AIG1: variants seen among roughly 807,000 people sequenced by gnomAD.
The protein encoded by AIG1 is androgen-induced gene 1 protein.
In AIG1, 23 loss-of-function variants were observed where a neutral mutation model predicts 31.4. That is an observed-to-expected ratio of 0.73 (90% CI 0.53 to 1.04). AIG1 has a LOEUF of 1.04. Among genes scored for constraint, AIG1 ranks in the 50% least tolerant of loss-of-function variants. The probability of loss-of-function intolerance (pLI) is 0.00; values close to 1 mark genes in which losing one functional copy is unlikely to be tolerated. For synonymous variants in AIG1, 100 were observed against 110.5 expected (o/e 0.90, Z 0.60); for missense variants, 274 against 295.0 (o/e 0.93, Z 0.52).
At chr6:143,126,224 A>G (rs1782675722) in intron 1 of AIG1, 1 of 152,234 alleles carries the variant, frequency 6.6e-6, no homozygotes, top group African/African-American at 2.4e-5. Flanking sequence ...TGAGGGAGGT[A>G]GAGAGAGCCT....
chr6:143,197,490 A>G (rs1382490892), intron 3 of AIG1, among the ~76,000 whole-genome samples: 1 of 152,196 alleles, frequency 6.6e-6, no homozygotes, highest in Non-Finnish European at 1.5e-5. Context: ...TCTCAGGCCA[A>G]CTGCTTAGGG....
At chr6:143,172,692 G>T (rs1341496549) in intron 3 of AIG1, among the ~76,000 whole-genome samples, 2 of 152,104 alleles carry the variant, frequency 1.3e-5, no homozygotes, top group African/African-American at 4.8e-5. Flanking sequence ...AAGTCTGTCT[G>T]GCCCTGGACT....
At chr6:143,205,338 G>A (rs538403048) in intron 3 of AIG1, among the ~76,000 whole-genome samples, 3 of 152,194 alleles carry the variant, frequency 2.0e-5, no homozygotes, top group African/African-American at 7.2e-5. Context: ...AGTCTGGCAG[G>A]TATTCAAAGC....
chr6:143,338,998 A>G lies in AIG1; in HGVS notation c.680-641A>G, dbSNP rs1159183087. On this transcript the variant is annotated intron_variant, in intron 5 of 5. Coordinates refer to ENST00000357847, the MANE Select transcript of AIG1 (RefSeq NM_016108.4). The surrounding 1 kb of genome is among the most constrained non-coding windows in gnomAD (Gnocchi z 4.3). ...ACATCATCGACTATTCTCTACAGAC[A>G]ACAGGCAAAGGTTCTTACTGGTCCA... 6.6e-6 allele frequency: 1 copy of G among 152,186 alleles called. No individual in the cohort carries two copies. Among genetic ancestry groups the G allele is most frequent in the African/African-American group, 2.4e-5 (1 of 41,456 alleles). The allele number at this position is 152,186 out of a possible 1,614,324, so 9.4% of individuals were successfully genotyped here.
intron 4 of AIG1, among the ~76,000 whole-genome samples, chr6:143,307,860 C>A (rs940123975): frequency 2.0e-5 from 3 of 152,254 alleles, no homozygotes; most frequent in Non-Finnish European, 4.4e-5. Context: ...GGGCTCCACC[C>A]AGTTCAAGCT....
At chr6:143,290,449 A>G (rs1487533697) in intron 4 of AIG1, among the ~76,000 whole-genome samples, 1 of 152,194 alleles carries the variant, frequency 6.6e-6, no homozygotes, top group Non-Finnish European at 1.5e-5. Flanking sequence ...CCGCATGCGC[A>G]GTGTGTTTAC....
At chr6:143,154,890 C>T (rs1403966009) in intron 2 of AIG1, among the ~76,000 whole-genome samples, 1 of 152,118 alleles carries the variant, frequency 6.6e-6, no homozygotes, top group Non-Finnish European at 1.5e-5. Flanking sequence ...CTCTGTAGCC[C>T]AGGCTGGAGT....
chr6:143,196,428 C>T lies in AIG1; in HGVS notation c.399+31245C>T, dbSNP rs867572620. On this transcript the variant is annotated intron_variant, in intron 3 of 5. Coordinates refer to ENST00000357847, the MANE Select transcript of AIG1 (RefSeq NM_016108.4). The stretch of plus-strand genomic sequence containing the variant: ...TTGATAAGTTGGAAAACTGGCTGCA[C>T]GACTTAGAGTATATGTCTTTCTTTA... Among the ~76,000 whole-genome samples, 16 of 150,878 alleles carry T rather than the reference C, an allele frequency of 1.1e-4. 1 individual carries two copies. The highest frequency in any genetic ancestry group is 6.8e-3 in the Middle Eastern group (2 of 294).
intron 2 of AIG1, among the ~76,000 whole-genome samples, chr6:143,138,435 G>A (rs1583295166): frequency 6.6e-6 from 1 of 152,072 alleles, no homozygotes; most frequent in East Asian, 1.9e-4. Context: ...GTCTCTCTGT[G>A]TGTACATGTA....
At chr6:143,187,775 T>C in intron 3 of AIG1, 2 of 1,514,644 alleles carry the variant, frequency 1.3e-6, no homozygotes, top group Non-Finnish European at 1.8e-6. Context: ...AGAAGGACAT[T>C]TGGAAATGAC....
At chr6:143,270,322 G>A (rs1796424805) in intron 3 of AIG1, among the ~76,000 whole-genome samples, 1 of 152,186 alleles carries the variant, frequency 6.6e-6, no homozygotes, top group Non-Finnish European at 1.5e-5. Flanking sequence ...GATATGCAAT[G>A]TACAGGGAAA....
In AIG1 at chr6:143,327,467, A is replaced by G. The variant is rs1472987308; in HGVS notation, c.516-5815A>G. The G allele has an allele frequency of 2.0e-5, 8 of 402,252 alleles. No homozygotes were observed. The highest frequency in any genetic ancestry group is 1.5e-4 in the African/African-American group (7 of 47,610). The allele number at this position is 402,252 out of a possible 1,614,324, so 24.9% of individuals were successfully genotyped here. On this transcript the variant is annotated intron_variant, in intron 4 of 5. Transcript: ENST00000357847. The surrounding 1 kb of genome is among the most constrained non-coding windows in gnomAD (Gnocchi z 5.3). ...GGAGATGGGAACTCCAGATTTGCGC[A>G]TTGATACCAGGCCCAACAAAACTGT... is the stretch of plus-strand genomic sequence containing the variant.
intron 3 of AIG1, among the ~76,000 whole-genome samples, chr6:143,213,420 A>G (rs1791740726): frequency 6.6e-6 from 1 of 151,590 alleles, no homozygotes; most frequent in African/African-American, 2.4e-5. Context: ...AGTATAATAA[A>G]TGAGGGGCAG....
intron 4 of AIG1, among the ~76,000 whole-genome samples, chr6:143,321,662 G>T (rs1223972800): frequency 6.6e-6 from 1 of 152,156 alleles, no homozygotes; most frequent in Non-Finnish European, 1.5e-5. Flanking sequence ...GCTTCCTCTG[G>T]GGCAGAACAG....
intron 1 of AIG1, among the ~76,000 whole-genome samples, chr6:143,127,422 TTCTTTACATTAATTTTATAAAAGTACA>T (rs144837881): frequency 0.025 from 3,790 of 152,300 alleles, 145 homozygotes; most frequent in African/African-American, 0.078. Flanking sequence ...ATCTATGGTG[TTCTTTACATTAATTTTATAAAAGTACA>T]CCATAATCAA....
chr6:143,090,590 A>G (rs760205056), intron 1 of AIG1, among the ~76,000 whole-genome samples: 1 of 152,256 alleles, frequency 6.6e-6, no homozygotes, highest in Non-Finnish European at 1.5e-5. Context: ...CACAGTACAT[A>G]TAAAAGTTAT....
chr6:143,335,040 A>C, intron 5 of AIG1: 1 of 1,398,974 alleles, frequency 7.1e-7, no homozygotes, highest in Middle Eastern at 1.8e-4. Context: ...TTTTTTAAAA[A>C]TTCATTTTAG....
In AIG1 at chr6:143,200,743, G is replaced by A. The variant is rs76908879; in HGVS notation, c.399+35560G>A. 3.1e-3 allele frequency among the ~76,000 whole-genome samples: 476 copies of A among 152,050 alleles called. 10 individuals are homozygous for A. In the East Asian group the frequency reaches 0.064, roughly 20 times the overall value. ...TCCTGGCCTCTGGTTTTGCTTTTCC[G>A]TTTCTTTGTAGGCTCCTCCTCTCCT... On this transcript the variant is annotated intron_variant, in intron 3 of 5. Transcript: ENST00000357847.
At chr6:143,156,435 G>C (rs1481071411) in intron 2 of AIG1, among the ~76,000 whole-genome samples, 2 of 152,184 alleles carry the variant, frequency 1.3e-5, no homozygotes, top group East Asian at 1.9e-4. Context: ...TACATGCATA[G>C]AAAAAGATCT....
Sources: allele counts gnomAD v4.1 joint callset (sites outside exome capture counted in the v4.1 genomes callset), GRCh38; gene constraint gnomAD v4.1.1; non-coding constraint Gnocchi (gnomAD v3.1); transcripts MANE v1.5; gene names NCBI Gene and HGNC (gene_info 2026-07-23, HGNC 2026-07-21).